Variants in LRRC9 observed in about 807,000 individuals in gnomAD.
The protein encoded by LRRC9 is leucine-rich repeat-containing protein 9.
Under a neutral mutation model 63.2 loss-of-function variants are expected in LRRC9, and 122 were observed. The observed-to-expected ratio is 1.93, with a 90% CI of 1.67 to 2.24. The LOEUF (loss-of-function observed/expected upper bound fraction) is 2.24, where lower values mean the gene tolerates loss of function less well. Among genes scored for constraint, LRRC9 ranks in the 30% most tolerant of loss-of-function variants. The pLI is 0.00. For synonymous variants in LRRC9, 366 were observed against 213.1 expected, an observed-to-expected ratio of 1.72 and a Z score of -6.25; for missense variants, 1,071 against 627.7, an observed-to-expected ratio of 1.71 and a Z score of -7.55.
chr14:60,026,856 A>G (rs1891595446), intron 27 of LRRC9, among the ~76,000 whole-genome samples: 1 of 151,984 alleles, frequency 6.6e-6, no homozygotes, highest in African/African-American at 2.4e-5. Context: ...CCCTTGGTCT[A>G]TGTGTCTGTC....
chr14:59,968,386 A>G (rs1432765562), intron 12 of LRRC9, among the ~76,000 whole-genome samples: 2 of 152,316 alleles, frequency 1.3e-5, no homozygotes, highest in East Asian at 3.9e-4. Context: ...AATGTACCTA[A>G]TGCCACTGAA....
intron 7 of LRRC9, among the ~76,000 whole-genome samples, chr14:59,939,014 C>CGT (rs1566790568): frequency 6.4e-5 from 7 of 109,420 alleles, no homozygotes; most frequent in African/African-American, 2.8e-4. Flanking sequence ...CATATATACA[C>CGT]ATATATATAT....
At chr14:59,934,304 C>T (rs1052751295) in intron 6 of LRRC9, among the ~76,000 whole-genome samples, 6 of 151,922 alleles carry the variant, frequency 3.9e-5, no homozygotes, top group African/African-American at 1.5e-4. Flanking sequence ...TCAAAAAATA[C>T]ACAAATCAGA....
At chr14:59,929,904 A>G (rs1889547229) in intron 3 of LRRC9, among the ~76,000 whole-genome samples, 1 of 152,014 alleles carries the variant, frequency 6.6e-6, no homozygotes, top group Admixed American at 6.6e-5. Flanking sequence ...GAGGGGAACG[A>G]CAGACTCTGG....
At chr14:60,035,779 T>C (rs1241713686) in intron 29 of LRRC9, among the ~76,000 whole-genome samples, 1 of 152,200 alleles carries the variant, frequency 6.6e-6, no homozygotes, top group African/African-American at 2.4e-5. Context: ...TTGTGTGATG[T>C]CTCCAGCTTT....
intron 8 of LRRC9, among the ~76,000 whole-genome samples, chr14:59,956,844 C>T (rs1163601463): frequency 1.3e-5 from 2 of 152,154 alleles, no homozygotes; most frequent in Non-Finnish European, 1.5e-5. Context: ...AATCCCTCAA[C>T]GTTTGCTTGT....
rs1433407826 is a variant in LRRC9, at chr14:59,938,606, C to A, written c.726+34C>A. 3.1e-6 allele frequency: 2 copies of A among 647,906 alleles called. No homozygotes were observed. The highest frequency in any genetic ancestry group is 5.5e-6 in the Non-Finnish European group (2 of 360,470). 40.1% of individuals were successfully genotyped at this position (647,906 alleles called of 1,614,324 possible). On this transcript the variant is annotated intron_variant, in intron 7 of 31. Coordinates refer to ENST00000445360, the Ensembl canonical transcript of LRRC9. This position sits in a 1 kb window ranked among gnomAD's most constrained non-coding sequence, Gnocchi z 4.2. ...ATCCCTAATCAGGCATCTGTGATTT[C>A]AGTTTTATTAGTTAACGGCTTCTTT...
chr14:59,974,573 C>A lies in LRRC9; in HGVS notation c.1507-3C>A, dbSNP rs1343724266. 3.6e-5 allele frequency: 23 copies of A among 643,340 alleles called. No individual in the cohort carries two copies. The East Asian group carries it at 6.0e-4, about 17-fold the overall frequency. The allele number at this position is 643,340 out of a possible 1,614,324, so 39.9% of individuals were successfully genotyped here. A position where few individuals can be genotyped will look rare whatever the true frequency, so the allele number is the denominator to read the frequency against. ...ATACTCAGACTTTGTTTTTTCTTTGCAGCTGCCTCTCAAAAAAGAAGCCAT... is the reference window on the plus strand; with the variant it reads ...ATACTCAGACTTTGTTTTTTCTTTGAAGCTGCCTCTCAAAAAAGAAGCCAT... On this transcript the variant is annotated splice_region_variant and splice_polypyrimidine_tract_variant and intron_variant, in intron 12 of 31. Coordinates refer to ENST00000445360, the Ensembl canonical transcript of LRRC9.
chr14:59,926,821 C>T (rs1208019945), intron 1 of LRRC9, among the ~76,000 whole-genome samples: 1 of 151,908 alleles, frequency 6.6e-6, no homozygotes, highest in East Asian at 1.9e-4. Context: ...GGTAGAAACC[C>T]CAAAGAAATT....
rs140525122 is a variant in LRRC9, at chr14:60,053,383, TCACACACACA to T, written c.4131+207_4131+216del. 7.0e-5 allele frequency among the ~76,000 whole-genome samples: 6 copies of T among 85,718 alleles called. No individual in the cohort carries two copies. The highest frequency in any genetic ancestry group is 6.6e-4 in the South Asian group (2 of 3,028). The allele number at this position is 85,718 out of a possible 152,430, so 56.2% of individuals were successfully genotyped here. A position where few individuals can be genotyped will look rare whatever the true frequency, so the allele number is the denominator to read the frequency against. ...GATTTGGTGAATAGAGCATGCGTGC[TCACACACACA>T]CACACACACACACACACACACACAC... On this transcript the variant is annotated intron_variant, in intron 30 of 31. Transcript: ENST00000445360. The surrounding 1 kb of genome is among the most constrained non-coding windows in gnomAD (Gnocchi z 4.8).
At chr14:59,984,731 C>A (rs1230500540) in intron 16 of LRRC9, among the ~76,000 whole-genome samples, 2 of 152,048 alleles carry the variant, frequency 1.3e-5, no homozygotes, top group East Asian at 3.8e-4. Flanking sequence ...TACCTGATAC[C>A]CCAAATCTTT....
intron 8 of LRRC9, among the ~76,000 whole-genome samples, chr14:59,946,771 C>A (rs1357394698): frequency 1.4e-5 from 2 of 147,698 alleles, no homozygotes; most frequent in African/African-American, 2.5e-5. Context: ...GTTTTTTCTT[C>A]TTGCGATAGT....
At chr14:60,057,922 C>A (rs1894402721) in exon 31 of LRRC9, 2 of 689,826 alleles carry the variant, frequency 2.9e-6, no homozygotes, top group South Asian at 3.0e-5. Context: ...GATCATTTGG[C>A]CAAGTGAAAA....
chr14:59,935,695 G>A (rs141289933), intron 6 of LRRC9, among the ~76,000 whole-genome samples: 35 of 152,338 alleles, frequency 2.3e-4, no homozygotes, highest in African/African-American at 7.2e-4. Flanking sequence ...CATCCTTGAG[G>A]AGCTAATGTT....
chr14:59,980,358 T>G (rs1405492649), intron 15 of LRRC9, among the ~76,000 whole-genome samples: 1 of 152,204 alleles, frequency 6.6e-6, no homozygotes, highest in Non-Finnish European at 1.5e-5. Flanking sequence ...CATCTAATTT[T>G]GGATCACTAT....
chr14:60,036,255 G>A (rs1216253308), intron 29 of LRRC9, among the ~76,000 whole-genome samples: 3 of 152,060 alleles, frequency 2.0e-5, no homozygotes, highest in South Asian at 4.1e-4. Context: ...AATTTTGGGG[G>A]CACATCAGCA....
Position 59,990,790 on chromosome 14 carries a change from A to G in LRRC9, c.2211+5566A>G, listed in dbSNP as rs906284274. Among the ~76,000 whole-genome samples, 6 of 152,102 alleles carry G rather than the reference A, an allele frequency of 3.9e-5. No individual in the cohort carries two copies. The highest frequency in any genetic ancestry group is 3.9e-4 in the Admixed American group (6 of 15,266). On this transcript the variant is annotated intron_variant, in intron 17 of 31. Coordinates refer to ENST00000445360, the Ensembl canonical transcript of LRRC9. The surrounding 1 kb of genome is among the most constrained non-coding windows in gnomAD (Gnocchi z 4.2). Reference sequence around the variant, plus strand: ...ACTCCTCCCTATTTCAATTGCTGTAAATTGGTCTCCACACATTCCGGTGAA... The same window carrying G: ...ACTCCTCCCTATTTCAATTGCTGTAGATTGGTCTCCACACATTCCGGTGAA...
chr14:60,042,187 C>T lies in LRRC9; in HGVS notation c.3990+10124C>T, dbSNP rs1181400626. On this transcript the variant is annotated intron_variant, in intron 29 of 31. Transcript: ENST00000445360. The surrounding 1 kb of genome is among the most constrained non-coding windows in gnomAD (Gnocchi z 4.2). ...TGGGACGTGCCTCCCAGTTAGGCTACTTGGGGGTCAGGGACCCACTTGAGG... is the reference window on the plus strand; with the variant it reads ...TGGGACGTGCCTCCCAGTTAGGCTATTTGGGGGTCAGGGACCCACTTGAGG... 6.6e-6 allele frequency among the ~76,000 whole-genome samples: 1 copy of T among 152,222 alleles called. No homozygotes were observed. The highest frequency in any genetic ancestry group is 2.4e-5 in the African/African-American group (1 of 41,468).
chr14:59,972,457 G>A (rs219319), intron 12 of LRRC9, among the ~76,000 whole-genome samples: 128,725 of 152,030 alleles, frequency 0.85, 54,973 homozygotes, highest in Non-Finnish European at 0.9. Flanking sequence ...TGTATCAGCC[G>A]TAACCATGTT....
Sources: allele counts gnomAD v4.1 joint callset (sites outside exome capture counted in the v4.1 genomes callset), GRCh38; gene constraint gnomAD v4.1.1; non-coding constraint Gnocchi (gnomAD v3.1); transcripts MANE v1.5; gene names NCBI Gene and HGNC (gene_info 2026-07-23, HGNC 2026-07-21).